The following TJP1 variants were observed in gnomAD, a reference collection of about 807,000 sequenced individuals.
TJP1 encodes the protein tight junction protein 1.
Under a neutral mutation model 194.2 loss-of-function variants are expected in TJP1, and 43 were observed. The ratio of observed to expected loss-of-function variants is 0.22; its 90% CI spans 0.17 to 0.29. The LOEUF is 0.29. TJP1 is among the 10% of genes least tolerant of loss of function. The probability of loss-of-function intolerance (pLI) is 1.00; values close to 1 mark genes in which losing one functional copy is unlikely to be tolerated. For missense variants in TJP1, 1,971 were observed against 2,185.7 expected (o/e 0.90, Z 1.96); for synonymous variants, 801 against 779.0 (o/e 1.03, Z -0.47).
chr15:29,757,415 A>C (rs2045712633), intron 8 of TJP1, among the ~76,000 whole-genome samples: 1 of 152,206 alleles, frequency 6.6e-6, no homozygotes, highest in Admixed American at 6.5e-5. Flanking sequence ...AAAGACACTT[A>C]TACAGCCAAA....
chr15:29,927,871 C>G (rs1045983765), intron 2 of TJP1, among the ~76,000 whole-genome samples: 44 of 152,188 alleles, frequency 2.9e-4, no homozygotes, highest in African/African-American at 1.1e-3. Flanking sequence ...AAGCAAAGAC[C>G]AACCAGAAGT....
chr15:29,710,991 A>C lies in TJP1; in HGVS notation c.4212T>G (p.Pro1404=). 6.2e-7 allele frequency: 1 copy of C among 1,600,644 alleles called. No individual in the cohort carries two copies. The highest frequency in any genetic ancestry group is 8.5e-7 in the Non-Finnish European group (1 of 1,171,730). The change falls in exon 24 of 28, where the codon CCT becomes CCG. Residue 1404 remains proline, a synonymous_variant. Transcript: ENST00000614355. ...ATCTATCCACACCATCAGCTTCAGG[A>C]GGCTTTCCCCTGTTAACAAATGAAG... ...NFSSYSSKGK[P]PEADGVDRSF...
intron 8 of TJP1, chr15:29,759,393 G>A (rs1371808599): frequency 6.6e-6 from 1 of 152,158 alleles, no homozygotes; most frequent in Non-Finnish European, 1.5e-5. Flanking sequence ...GTGTACAACA[G>A]TGATGTTTTG....
At chr15:29,949,594 A>AACC (rs2055520515) in intron 2 of TJP1, among the ~76,000 whole-genome samples, 2 of 11,624 alleles carry the variant, frequency 1.7e-4, no homozygotes. Context: ...CCACCTCCAC[A>AACC]ACCACCACCT....
intron 8 of TJP1, chr15:29,760,069 T>C: frequency 1.8e-6 from 1 of 550,900 alleles, no homozygotes; most frequent in Admixed American, 3.3e-5. Context: ...GCCGTATCAA[T>C]TACATTCTCA....
chr15:29,925,167 G>C (rs2054486962), intron 2 of TJP1, among the ~76,000 whole-genome samples: 1 of 152,162 alleles, frequency 6.6e-6, no homozygotes, highest in African/African-American at 2.4e-5. Flanking sequence ...GATTCAGAGG[G>C]GCAGCAACCA....
chr15:29,743,581 G>C (rs2044568003), intron 8 of TJP1, among the ~76,000 whole-genome samples: 1 of 152,060 alleles, frequency 6.6e-6, no homozygotes, highest in Non-Finnish European at 1.5e-5. Context: ...TTAAAATTTA[G>C]CCAGGCACTG....
chr15:29,941,203 A>G (rs1373692654), intron 2 of TJP1, among the ~76,000 whole-genome samples: 2 of 152,130 alleles, frequency 1.3e-5, no homozygotes, highest in South Asian at 4.1e-4. Flanking sequence ...CACCTGCTTG[A>G]GGCCACACAC....
chr15:29,775,957 A>G (rs2046990984), intron 2 of TJP1, among the ~76,000 whole-genome samples: 1 of 152,178 alleles, frequency 6.6e-6, no homozygotes, highest in African/African-American at 2.4e-5. Flanking sequence ...ATTGTGCCAA[A>G]ACATGCAATA....
chr15:29,740,341 T>C (rs1291435725), intron 10 of TJP1, among the ~76,000 whole-genome samples: 2 of 152,080 alleles, frequency 1.3e-5, no homozygotes, highest in Admixed American at 1.3e-4. Context: ...AAAAACTAAT[T>C]TGGGCTGGGT....
intron 18 of TJP1, among the ~76,000 whole-genome samples, chr15:29,721,856 G>A (rs1005245283): frequency 6.6e-6 from 1 of 152,226 alleles, no homozygotes; most frequent in South Asian, 2.1e-4. Flanking sequence ...CTATGCTTTA[G>A]CAAAGACACT....
At chr15:29,900,702 C>T (rs1312623613) in intron 2 of TJP1, among the ~76,000 whole-genome samples, 1 of 152,204 alleles carries the variant, frequency 6.6e-6, no homozygotes, top group African/African-American at 2.4e-5. Context: ...TACATGAAGG[C>T]ACAGCCCAGT....
At chr15:29,733,957 G>A (rs963983163) in intron 12 of TJP1, among the ~76,000 whole-genome samples, 1 of 152,136 alleles carries the variant, frequency 6.6e-6, no homozygotes. Flanking sequence ...TACAAAATCT[G>A]AAAGCTGCTC....
At chr15:29,957,190 G>A (rs1368081522) in intron 1 of TJP1, among the ~76,000 whole-genome samples, 1 of 152,110 alleles carries the variant, frequency 6.6e-6, no homozygotes, top group African/African-American at 2.4e-5. Context: ...ACAAGAAGTA[G>A]CAAATAGTAT....
intron 5 of TJP1, among the ~76,000 whole-genome samples, chr15:29,764,660 C>T (rs2046221053): frequency 6.6e-6 from 1 of 152,118 alleles, no homozygotes; most frequent in African/African-American, 2.4e-5. Flanking sequence ...GCAAGGGTAA[C>T]TACCATGTCA....
chr15:29,850,801 A>G (rs2051613967), intron 2 of TJP1, among the ~76,000 whole-genome samples: 2 of 152,006 alleles, frequency 1.3e-5, no homozygotes, highest in South Asian at 4.2e-4. Context: ...GGGGGGTAAC[A>G]GAGCAAAACC....
chr15:29,965,098 T>C (rs1254521056), intron 1 of TJP1, among the ~76,000 whole-genome samples: 8 of 152,212 alleles, frequency 5.3e-5, no homozygotes, highest in Non-Finnish European at 1.2e-4. Context: ...CCATATAGAC[T>C]GCAGTAAAGA....
chr15:29,732,389 G>A (rs1241879956), intron 15 of TJP1, 44 bp downstream of exon 15: 16 of 1,525,274 alleles, frequency 1.0e-5, no homozygotes, highest in African/African-American at 4.1e-5. Flanking sequence ...CACTTTAGAG[G>A]TGTAACTCCC....
At chr15:29,706,067 G>C (rs1256419718) in intron 25 of TJP1, among the ~76,000 whole-genome samples, 1 of 152,070 alleles carries the variant, frequency 6.6e-6, no homozygotes, top group African/African-American at 2.4e-5. Flanking sequence ...ATGTAGCTGG[G>C]ACTACAGGCG....
Sources: gnomAD v4.1 joint callset for allele counts (sites outside exome capture counted in the v4.1 genomes callset) on GRCh38, gnomAD v4.1.1 for gene constraint, MANE v1.5 for transcripts, NCBI Gene and HGNC (gene_info 2026-07-23, HGNC 2026-07-21) for gene names.